The following P2RY12 variants were observed in gnomAD, a reference collection of about 807,000 sequenced individuals.
P2RY12 encodes the protein P2Y purinoceptor 12.
A neutral mutation model predicts 4.5 loss-of-function variants in P2RY12; 3 were observed. That is an observed-to-expected ratio of 0.67 (90% CI 0.31 to 1.74). The LOEUF (loss-of-function observed/expected upper bound fraction) is 1.74. Ranked by LOEUF, P2RY12 falls within the 40% of genes most tolerant of loss-of-function variation. The pLI is 0.09. For synonymous variants in P2RY12, 148 were observed against 154.1 expected (o/e 0.96, Z 0.29); for missense variants, 356 against 407.8 (o/e 0.87, Z 1.09).
intron 1 of P2RY12, among the ~76,000 whole-genome samples, chr3:151,379,516 A>G (rs557605951): frequency 3.3e-5 from 5 of 152,310 alleles, no homozygotes; most frequent in Admixed American, 6.5e-5. Flanking sequence ...GCTGCGGGCT[A>G]TGTTGGAGCC....
In P2RY12 at chr3:151,380,158, C is replaced by G. The variant is rs566562592; in HGVS notation, c.-180+4534G>C. 44 of 1,608,096 alleles carry G rather than the reference C, an allele frequency of 2.7e-5. No homozygotes were observed. In the South Asian group the frequency reaches 4.7e-4, roughly 17 times the overall value. ...AACCCTTCCTCTCACTGGTACTTAC[C>G]TGCCTTAAGGGACAAGATGAACAAA... On this transcript the variant is annotated intron_variant, in intron 1 of 2. Coordinates refer to ENST00000302632, the MANE Select transcript of P2RY12 (RefSeq NM_022788.5).
At chr3:151,360,442 T>C in intron 1 of P2RY12, 2 of 1,602,058 alleles carry the variant, frequency 1.2e-6, no homozygotes, top group Non-Finnish European at 1.7e-6. Context: ...TACAAATCTA[T>C]GTCTTATTTC....
chr3:151,349,910 C>T, intron 1 of P2RY12: 1 of 529,970 alleles, frequency 1.9e-6, no homozygotes, highest in Non-Finnish European at 3.2e-6. Flanking sequence ...AAGGGTGTTG[C>T]CAGTGGAGGT....
rs1425383494 is a variant in P2RY12, at chr3:151,358,508, G to A, written c.-179-17748C>T. ...TAATCTATGTTCTACTTTTAAAATA[G>A]TATATTGAAACCCATTAGTTGGTCA... On this transcript the variant is annotated intron_variant, in intron 1 of 2. Coordinates refer to ENST00000302632, the MANE Select transcript of P2RY12 (RefSeq NM_022788.5). Among the ~76,000 whole-genome samples the A allele has an allele frequency of 2.0e-5, 3 of 151,994 alleles. No homozygotes were observed. In the East Asian group the frequency reaches 5.8e-4, roughly 29 times the overall value.
intron 1 of P2RY12, among the ~76,000 whole-genome samples, chr3:151,360,275 GT>G (rs200565779): frequency 1.3e-5 from 2 of 151,926 alleles, no homozygotes; most frequent in African/African-American, 4.8e-5. Flanking sequence ...CATTTCTGAA[GT>G]TTTTTTTAAA....
At chr3:151,368,853 C>G (rs1455619622) in intron 1 of P2RY12, among the ~76,000 whole-genome samples, 1 of 146,470 alleles carries the variant, frequency 6.8e-6, no homozygotes, top group Non-Finnish European at 1.5e-5. Flanking sequence ...CCTCTGCCTC[C>G]CGGGCTTAGG....
intron 1 of P2RY12, among the ~76,000 whole-genome samples, chr3:151,369,207 T>C (rs540722436): frequency 1.4e-4 from 21 of 152,336 alleles, no homozygotes; most frequent in Middle Eastern, 3.4e-3. Context: ...ACTAATCTTG[T>C]TGATGTAGCT....
intron 1 of P2RY12, chr3:151,360,326 G>A: frequency 1.5e-6 from 1 of 661,852 alleles, no homozygotes; most frequent in Non-Finnish European, 2.5e-6. Context: ...ATATTGTACT[G>A]AGTTATTTAC....
At chr3:151,349,868 T>TA (rs1553789629) in intron 1 of P2RY12, among the ~76,000 whole-genome samples, 11 of 151,494 alleles carry the variant, frequency 7.3e-5, no homozygotes, top group East Asian at 5.8e-4. Flanking sequence ...TTTTTTTTTT[T>TA]ATAATGTTAG....
intron 1 of P2RY12, among the ~76,000 whole-genome samples, chr3:151,349,851 A>C (rs1030849079): frequency 7.5e-6 from 1 of 133,942 alleles, no homozygotes; most frequent in East Asian, 2.5e-4. Context: ...GTCAGTTGAC[A>C]CTTTTTTTTT....
intron 1 of P2RY12, among the ~76,000 whole-genome samples, chr3:151,364,005 TAAA>T (rs974042504): frequency 1.3e-5 from 2 of 151,016 alleles, no homozygotes; most frequent in Non-Finnish European, 3.0e-5. Flanking sequence ...ATATGGGGTT[TAAA>T]AAAAAAGCCA....
intron 1 of P2RY12, chr3:151,384,088 T>G (rs151010505): frequency 6.2e-7 from 1 of 1,611,042 alleles, no homozygotes; most frequent in Non-Finnish European, 8.5e-7. Flanking sequence ...CTTAGTGAAT[T>G]ATTCACAACA....
At chr3:151,370,010 C>T (rs963969369) in intron 1 of P2RY12, among the ~76,000 whole-genome samples, 21 of 152,096 alleles carry the variant, frequency 1.4e-4, no homozygotes, top group Admixed American at 1.3e-4. Context: ...GAGTATATTT[C>T]CTTCTACCTT....
intron 1 of P2RY12, chr3:151,377,998 G>A (rs756471625): frequency 1.3e-6 from 2 of 1,584,520 alleles, no homozygotes; most frequent in Admixed American, 1.7e-5. Context: ...TGTAACACCT[G>A]TTTCTGATTT....
intron 1 of P2RY12, chr3:151,378,041 T>C: frequency 1.2e-6 from 2 of 1,611,040 alleles, no homozygotes; most frequent in Non-Finnish European, 1.7e-6. Flanking sequence ...GTATGGTTGG[T>C]GGCCCCCCTC....
At chr3:151,378,205 G>T in intron 1 of P2RY12, 1 of 1,553,882 alleles carries the variant, frequency 6.4e-7, no homozygotes, top group Non-Finnish European at 8.7e-7. Context: ...CTGTGTGAGA[G>T]TTTAAAGAAT....
intron 1 of P2RY12, among the ~76,000 whole-genome samples, chr3:151,353,575 G>C (rs1305240909): frequency 6.6e-6 from 1 of 152,234 alleles, no homozygotes. Context: ...AAAAGAACCA[G>C]CCTTGTGGTG....
intron 1 of P2RY12, chr3:151,372,836 A>T (rs907790648): frequency 1.2e-5 from 15 of 1,270,344 alleles, no homozygotes; most frequent in Non-Finnish European, 2.2e-6. Flanking sequence ...ACTTACACTT[A>T]TAGGAAACTT....
At chr3:151,384,315 T>C (rs112216063) in intron 1 of P2RY12, 1 of 1,227,304 alleles carries the variant, frequency 8.1e-7, no homozygotes, top group Non-Finnish European at 1.1e-6. Flanking sequence ...TTATTAATTG[T>C]ATTCAACTTA....
Sources: allele counts gnomAD v4.1 joint callset (sites outside exome capture counted in the v4.1 genomes callset), GRCh38; gene constraint gnomAD v4.1.1; transcripts MANE v1.5; gene names NCBI Gene and HGNC (gene_info 2026-07-23, HGNC 2026-07-21).